The following HEMK2 variants were observed in gnomAD, a reference collection of about 807,000 sequenced individuals.
HEMK2 encodes the protein HemK methyltransferase 2, ETF1 glutamine and histone H4 lysine.
At chr21:28,877,296 G>GAAA in the HEMK2 span, among the ~76,000 whole-genome samples, 419 of 94,640 alleles carry the variant, frequency 4.4e-3, 5 homozygotes, top group African/African-American at 0.016. Context: ...AAGGAAGGAA[G>GAAA]GAAGAGAGAG....
chr21:28,848,138 T>A, the HEMK2 span, among the ~76,000 whole-genome samples: 2 of 152,314 alleles, frequency 1.3e-5, no homozygotes, highest in African/African-American at 4.8e-5. Context: ...TTTAGAACAG[T>A]CTTTTCCAAT....
chr21:28,653,397 G>A, the HEMK2 span, among the ~76,000 whole-genome samples: 2 of 152,010 alleles, frequency 1.3e-5, no homozygotes, highest in African/African-American at 4.8e-5. Flanking sequence ...TCTCCTTCAT[G>A]CACTAGACTC....
At chr21:28,861,100 G>A in the HEMK2 span, among the ~76,000 whole-genome samples, 1 of 152,216 alleles carries the variant, frequency 6.6e-6, no homozygotes, top group African/African-American at 2.4e-5. Flanking sequence ...ACAGATTCGT[G>A]AAGGCAGCAC....
the HEMK2 span, among the ~76,000 whole-genome samples, chr21:28,843,293 G>A: frequency 6.6e-6 from 1 of 152,050 alleles, no homozygotes; most frequent in Admixed American, 6.6e-5. Flanking sequence ...GGAGGCCTGA[G>A]GAAACTTACA....
At chr21:28,814,454 A>C in the HEMK2 span, among the ~76,000 whole-genome samples, 1 of 151,842 alleles carries the variant, frequency 6.6e-6, no homozygotes, top group Non-Finnish European at 1.5e-5. Flanking sequence ...CAACCTACAG[A>C]ATGGGAGAAA....
the HEMK2 span, among the ~76,000 whole-genome samples, chr21:28,636,030 AAGAAACTAGTAG>A: frequency 6.6e-6 from 1 of 152,192 alleles, no homozygotes; most frequent in East Asian, 1.9e-4. Context: ...AGTTCCACTG[AAGAAACTAGTAG>A]AGACCCTTAT....
chr21:28,764,116 G>A, the HEMK2 span, among the ~76,000 whole-genome samples: 1 of 152,012 alleles, frequency 6.6e-6, no homozygotes, highest in African/African-American at 2.4e-5. Context: ...CCCTGCTGCT[G>A]TTTCCTGGAA....
chr21:28,730,905 G>A, the HEMK2 span, among the ~76,000 whole-genome samples: 2 of 151,990 alleles, frequency 1.3e-5, no homozygotes, highest in Non-Finnish European at 2.9e-5. Flanking sequence ...CTTCTCAGAG[G>A]CAGCCCACCG....
At chr21:28,838,972 A>AAT in the HEMK2 span, among the ~76,000 whole-genome samples, 223 of 29,096 alleles carry the variant, frequency 7.7e-3, 12 homozygotes, top group South Asian at 0.015. Flanking sequence ...AAAAAAAAAA[A>AAT]ATATATATAT....
the HEMK2 span, among the ~76,000 whole-genome samples, chr21:28,727,630 T>C: frequency 6.6e-6 from 1 of 152,230 alleles, no homozygotes; most frequent in East Asian, 1.9e-4. Flanking sequence ...TTAAGATTTA[T>C]TGGAGAAGAA....
chr21:28,850,419 T>G, the HEMK2 span, among the ~76,000 whole-genome samples: 1 of 151,878 alleles, frequency 6.6e-6, no homozygotes, highest in South Asian at 2.1e-4. Context: ...AGAGACGGGG[T>G]TTCACCGTGT....
chr21:28,722,210 G>C, the HEMK2 span, among the ~76,000 whole-genome samples: 9 of 151,816 alleles, frequency 5.9e-5, 1 homozygote, highest in Admixed American at 6.6e-5. Flanking sequence ...GATTTTACTG[G>C]TTAAAAAAAA....
At chr21:28,813,070 C>G in the HEMK2 span, among the ~76,000 whole-genome samples, 1 of 152,148 alleles carries the variant, frequency 6.6e-6, no homozygotes, top group Non-Finnish European at 1.5e-5. Flanking sequence ...CTCACCACTC[C>G]TATTCAACAC....
chr21:28,885,153 AC>A, the HEMK2 span: 13 of 1,478,896 alleles, frequency 8.8e-6, no homozygotes, highest in Non-Finnish European at 1.2e-5. Context: ...GCCCTCCTCC[AC>A]CGCACTTCTT....
chr21:28,637,955 T>A, the HEMK2 span, among the ~76,000 whole-genome samples: 1 of 152,168 alleles, frequency 6.6e-6, no homozygotes. Context: ...AATAAATAGA[T>A]GAAAATCATG....
the HEMK2 span, among the ~76,000 whole-genome samples, chr21:28,594,533 G>T: frequency 6.6e-6 from 1 of 152,056 alleles, no homozygotes; most frequent in African/African-American, 2.4e-5. Flanking sequence ...TGACTGCAGG[G>T]TGCATGCTCT....
the HEMK2 span, among the ~76,000 whole-genome samples, chr21:28,676,067 A>C: frequency 4.9e-4 from 75 of 152,338 alleles, no homozygotes; most frequent in Non-Finnish European, 9.3e-4. Flanking sequence ...GCTCAGCAGC[A>C]GATAAAGTAC....
At chr21:28,883,961 A>T in the HEMK2 span, among the ~76,000 whole-genome samples, 1 of 152,170 alleles carries the variant, frequency 6.6e-6, no homozygotes, top group Admixed American at 6.5e-5. Flanking sequence ...GCATTTAGGG[A>T]AATTTTTAGC....
At chr21:28,829,614 T>C in the HEMK2 span, among the ~76,000 whole-genome samples, 24 of 152,322 alleles carry the variant, frequency 1.6e-4, 1 homozygote, top group East Asian at 4.2e-3. Flanking sequence ...GTCTCAGGTA[T>C]TCTGTTACAG....
Sources: gnomAD v4.1 joint callset for allele counts (sites outside exome capture counted in the v4.1 genomes callset) on GRCh38, gnomAD v4.1.1 for gene constraint, MANE v1.5 for transcripts, NCBI Gene and HGNC (gene_info 2026-07-23, HGNC 2026-07-21) for gene names.